The following EML6 variants were observed in gnomAD, a reference collection of about 807,000 sequenced individuals.
EML6 encodes EMAP like 6.
In EML6, 154 loss-of-function variants were observed where a neutral mutation model predicts 240.1. The ratio of observed to expected loss-of-function variants is 0.64; its 90% confidence interval spans 0.56 to 0.73. The LOEUF is 0.73. Ranked by LOEUF, EML6 falls within the 30% of genes least tolerant of loss-of-function variation. EML6 has a pLI of 0.00. For synonymous variants in EML6, 1,148 were observed against 899.0 expected, an observed-to-expected ratio of 1.28 and a Z score of -4.95; for missense variants, 2,964 against 2,474.6, an observed-to-expected ratio of 1.20 and a Z score of -4.20.
intron 2 of EML6, among the ~76,000 whole-genome samples, chr2:54,751,916 CATA>C (rs1455651008): frequency 6.6e-6 from 1 of 152,158 alleles, no homozygotes; most frequent in Non-Finnish European, 1.5e-5. Flanking sequence ...CTTTGGGTTT[CATA>C]ATGATAACTG....
chr2:54,744,929 C>T (rs371142878), intron 2 of EML6, among the ~76,000 whole-genome samples: 1 of 115,092 alleles, frequency 8.7e-6, no homozygotes, highest in African/African-American at 2.8e-5. Flanking sequence ...CACACACACA[C>T]ACACACACAC....
intron 39 of EML6, 36 bp downstream of exon 39, chr2:54,967,139 C>A: frequency 7.3e-7 from 1 of 1,369,340 alleles, no homozygotes; most frequent in South Asian, 1.2e-5. Flanking sequence ...AGGAAAAGGT[C>A]ACAAGGGAGT....
intron 26 of EML6, among the ~76,000 whole-genome samples, chr2:54,922,814 G>A (rs774372063): frequency 1.3e-5 from 2 of 152,046 alleles, no homozygotes; most frequent in African/African-American, 4.8e-5. Flanking sequence ...AATACTTTGT[G>A]ATCTCACATA....
At chr2:54,942,396 T>C (rs1675476251) in intron 28 of EML6, among the ~76,000 whole-genome samples, 1 of 152,176 alleles carries the variant, frequency 6.6e-6, no homozygotes, top group Non-Finnish European at 1.5e-5. Context: ...GAGTTGGGTC[T>C]GATTCTTTTA....
chr2:54,815,776 A>G (rs1472052397), intron 3 of EML6, among the ~76,000 whole-genome samples: 1 of 152,238 alleles, frequency 6.6e-6, no homozygotes, highest in Non-Finnish European at 1.5e-5. Flanking sequence ...GCATAACAGC[A>G]CATGTATACA....
At chr2:54,861,499 C>T (rs914549455) in intron 12 of EML6, among the ~76,000 whole-genome samples, 4 of 152,198 alleles carry the variant, frequency 2.6e-5, no homozygotes, top group Non-Finnish European at 4.4e-5. Context: ...TGACTGTGCT[C>T]AGCTTCACTG....
chr2:54,767,872 T>G (rs1668251703), intron 2 of EML6, among the ~76,000 whole-genome samples: 1 of 152,150 alleles, frequency 6.6e-6, no homozygotes, highest in Non-Finnish European at 1.5e-5. Flanking sequence ...TCTGCCTGCC[T>G]CTGCCTCCCA....
intron 2 of EML6, among the ~76,000 whole-genome samples, chr2:54,790,789 G>T (rs907041531): frequency 6.8e-6 from 1 of 146,542 alleles, no homozygotes; most frequent in Non-Finnish European, 1.5e-5. Flanking sequence ...GCAGTGGCGC[G>T]ATCTTGGCTC....
intron 2 of EML6, among the ~76,000 whole-genome samples, chr2:54,759,458 G>C (rs1667880264): frequency 6.6e-6 from 1 of 151,890 alleles, no homozygotes; most frequent in African/African-American, 2.4e-5. Flanking sequence ...CACTTATTTT[G>C]GAAATAGCAA....
At chr2:54,905,281 G>T (rs1174285603) in intron 24 of EML6, among the ~76,000 whole-genome samples, 1 of 144,062 alleles carries the variant, frequency 6.9e-6, no homozygotes, top group Non-Finnish European at 1.5e-5. Context: ...CTATTCTCTT[G>T]CCAGGTAGAA....
intron 2 of EML6, among the ~76,000 whole-genome samples, chr2:54,758,578 T>C (rs981281657): frequency 2.2e-4 from 33 of 152,308 alleles, no homozygotes; most frequent in African/African-American, 6.7e-4. Context: ...TAGTATATTA[T>C]ACTTCCTCCA....
intron 28 of EML6, among the ~76,000 whole-genome samples, chr2:54,940,712 T>G (rs1675386715): frequency 6.6e-6 from 1 of 152,240 alleles, no homozygotes; most frequent in South Asian, 2.1e-4. Flanking sequence ...TTAGCAACTA[T>G]GGATGGTCTT....
chr2:54,727,548 G>C (rs1407061374), intron 2 of EML6, among the ~76,000 whole-genome samples: 1 of 152,256 alleles, frequency 6.6e-6, no homozygotes, highest in East Asian at 1.9e-4. Context: ...ATTTTAATTC[G>C]TTTCTGTGTA....
rs947073817 is a variant in EML6, at chr2:54,847,760, C to G, written c.1187+137C>G. ...AATAGGAATACTATAGATCTACGAT[C>G]CCCTATCTGTAATTCTGAAGTCCTA... is the stretch of plus-strand genomic sequence containing the variant. On this transcript the variant is annotated intron_variant, in intron 9 of 41. Transcript: ENST00000356458. 82 of 780,616 alleles carry G rather than the reference C, an allele frequency of 1.1e-4. 1 individual carries two copies. The Admixed American group carries it at 2.2e-3, about 21-fold the overall frequency. The allele number at this position is 780,616 out of a possible 1,614,324, so 48.4% of individuals were successfully genotyped here.
In EML6 at chr2:54,790,765, G is replaced by A. The variant is rs537760544; in HGVS notation, c.198-22467G>A. Among the ~76,000 whole-genome samples the A allele has an allele frequency of 3.0e-5, 4 of 131,910 alleles. No individual in the cohort carries two copies. In the East Asian group the frequency reaches 6.7e-4, roughly 22 times the overall value. 86.5% of individuals were successfully genotyped at this position (131,910 alleles called of 152,430 possible). On this transcript the variant is annotated intron_variant, in intron 2 of 41. Coordinates refer to ENST00000356458, the MANE Select transcript of EML6 (RefSeq NM_001039753.4). ...TTTTGAGACGGAGTTACGCTCTGTC[G>A]CCCAGGCTGGAGTGCAGTGGCGCGA...
chr2:54,832,606 C>T (rs1668935222), intron 7 of EML6, among the ~76,000 whole-genome samples: 1 of 152,250 alleles, frequency 6.6e-6, no homozygotes, highest in African/African-American at 2.4e-5. Flanking sequence ...GCTCCCCCTT[C>T]AGCCAGGCAA....
intron 36 of EML6, 25 bp from the exon 37 acceptor site, chr2:54,963,961 G>A: frequency 1.8e-5 from 28 of 1,538,740 alleles, no homozygotes; most frequent in Non-Finnish European, 2.3e-5. Flanking sequence ...AAGAGCTCAG[G>A]TGACTTTCCT....
intron 28 of EML6, among the ~76,000 whole-genome samples, chr2:54,937,929 C>G (rs1675234050): frequency 6.6e-6 from 1 of 152,190 alleles, no homozygotes; most frequent in African/African-American, 2.4e-5. Flanking sequence ...TGGATTTCCT[C>G]TTACGTATAA....
chr2:54,829,561 C>G lies in EML6; in HGVS notation c.847+84C>G, dbSNP rs2104181471. On this transcript the variant is annotated intron_variant, in intron 7 of 41. Transcript: ENST00000356458. ...GTATTCATATTTGTTTCTCTGTACC[C>G]CATTTTAAAAAGGCAGTTTATATAA... 4 of 1,122,186 alleles carry G rather than the reference C, an allele frequency of 3.6e-6. No individual in the cohort carries two copies. The South Asian group carries it at 7.7e-5, about 22-fold the overall frequency. 69.5% of individuals were successfully genotyped at this position (1,122,186 alleles called of 1,614,324 possible).
Sources: allele counts gnomAD v4.1 joint callset (sites outside exome capture counted in the v4.1 genomes callset), GRCh38; gene constraint gnomAD v4.1.1; transcripts MANE v1.5; gene names NCBI Gene and HGNC (gene_info 2026-07-23, HGNC 2026-07-21).